The following ZNF268 variants were observed in gnomAD, a reference collection of about 807,000 sequenced individuals.
ZNF268 encodes zinc finger protein 268, also known as zinc finger protein 3.
In ZNF268, 20 loss-of-function variants were observed where a neutral mutation model predicts 29.3. The ratio of observed to expected loss-of-function variants is 0.68; its 90% CI spans 0.48 to 0.99. The LOEUF (loss-of-function observed/expected upper bound fraction) is 0.99. Ranked by LOEUF, ZNF268 falls within the 50% of genes least tolerant of loss-of-function variation. The pLI is 0.00. For synonymous variants in ZNF268, 429 were observed against 376.9 expected, an observed-to-expected ratio of 1.14 and a Z score of -1.60; for missense variants, 1,240 against 1,121.6, an observed-to-expected ratio of 1.11 and a Z score of -1.51.
At chr12:133,196,769 G>A (rs1009826506) in intron 5 of ZNF268, among the ~76,000 whole-genome samples, 1 of 152,136 alleles carries the variant, frequency 6.6e-6, no homozygotes, top group Non-Finnish European at 1.5e-5. Context: ...AAAACCGAAA[G>A]TGCTCATATT....
intron 2 of ZNF268, among the ~76,000 whole-genome samples, chr12:133,183,120 A>T (rs1417700099): frequency 6.6e-6 from 1 of 152,170 alleles, no homozygotes; most frequent in African/African-American, 2.4e-5. Context: ...ATGCCTGATG[A>T]TCTGAAGTGG....
chr12:133,203,055 T>A lies in ZNF268; in HGVS notation c.1369T>A (p.Ser457Thr). ...TTGTGGAAAAGCCTTTACATTCAAG[T>A]CACAGCTCATTGTACATCAGGGGAT... ...SDCGKAFTFKSQLIVHQGIHT... is the reference protein window; with the variant it reads ...SDCGKAFTFKTQLIVHQGIHT... The change falls in exon 6 of 6, where the codon TCA becomes ACA. Residue 457 changes from serine (S) to threonine (T), a missense_variant. Physicochemically the swap from Ser to Thr is moderately conservative, Grantham distance 58 (BLOSUM62 1). Around this residue, in one of 3 missense-constraint regions of ZNF268, gnomAD observed 1,177 missense variants for 1,039.6 expected, o/e 1.13. Transcript: ENST00000536435. 1.9e-6 allele frequency: 3 copies of A among 1,538,830 alleles called. No individual in the cohort carries two copies. The highest frequency in any genetic ancestry group is 1.4e-5 in the African/African-American group (1 of 73,162).
intron 2 of ZNF268, among the ~76,000 whole-genome samples, chr12:133,182,389 A>G (rs1593863530): frequency 7.6e-6 from 1 of 132,012 alleles, no homozygotes; most frequent in African/African-American, 3.0e-5. Flanking sequence ...CACTTGTTCA[A>G]CATTTTTTTT....
At chr12:133,185,142 G>A (rs1286072827) in intron 2 of ZNF268, among the ~76,000 whole-genome samples, 5 of 146,514 alleles carry the variant, frequency 3.4e-5, no homozygotes, top group South Asian at 4.3e-4. Context: ...CCAAGATCAC[G>A]CCACTGCACT....
rs1172441016 is a variant in ZNF268, at chr12:133,202,142, A to G, written c.458-2A>G. 6.4e-7 allele frequency: 1 copy of G among 1,570,620 alleles called. No individual in the cohort carries two copies. Among genetic ancestry groups the G allele is most frequent in the Admixed American group, 1.9e-5 (1 of 51,962 alleles). On this transcript the variant is annotated splice_acceptor_variant, in intron 5 of 5. Transcript: ENST00000536435. LOFTEE classifies it high-confidence loss of function. ...CATGTGACCAATTGTTCTCATTTCTAGACACAGTCTGGAAAATTGATGATC... is the reference window on the plus strand; with the variant it reads ...CATGTGACCAATTGTTCTCATTTCTGGACACAGTCTGGAAAATTGATGATC...
chr12:133,188,018 A>G lies in ZNF268; in HGVS notation c.180A>G (p.Lys60=), dbSNP rs558911402. The change falls in exon 3 of 6, where the codon AAA becomes AAG. Residue 60 remains lysine (K), a synonymous_variant. Coordinates refer to ENST00000536435, the MANE Select transcript of ZNF268 (RefSeq NM_003415.3). ...RQKQKSRRIE[K]VLEWLFISQE... is the part of the protein sequence containing the mutation. ...AGCAGAAGAGTCGCAGAATAGAGAA[A>G]GTCCTAGAGTGGCTGTTTATTTCCC... 3.8e-6 allele frequency: 6 copies of G among 1,596,298 alleles called. No individual in the cohort carries two copies. Among genetic ancestry groups the G allele is most frequent in the African/African-American group, 1.3e-5 (1 of 74,782 alleles).
At position 133,212,500 on chromosome 12, in the gene ZNF268, T is replaced by C. The variant is rs1467450619; in HGVS notation, c.*7970T>C. On this transcript the variant is annotated 3_prime_UTR_variant, in exon 6 of 6. Coordinates refer to ENST00000536435, the MANE Select transcript of ZNF268 (RefSeq NM_003415.3). ...ATATATATATATATATATATATATG[T>C]ATATATACACACACACATACACACA... 55 of 18,154 alleles carry C rather than the reference T, an allele frequency of 3.0e-3. 3 individuals carry two copies. The African/African-American group carries it at 0.032, about 10-fold the overall frequency. The allele number at this position is 18,154 out of a possible 1,614,324, so 1.1% of individuals were successfully genotyped here.
chr12:133,190,901 T>G lies in ZNF268; in HGVS notation c.235-588T>G, dbSNP rs114881572. Among the ~76,000 whole-genome samples the G allele has an allele frequency of 4.1e-3, 614 of 150,498 alleles. 8 individuals are homozygous for G. Among genetic ancestry groups the G allele is most frequent in the African/African-American group, 0.015 (592 of 40,596 alleles). Reference sequence around the variant, plus strand: ...ATGTTTATATTCCTGGACATAGAGGTTGGTAACTGTATTGCAGATGTAGGA... The same window carrying G: ...ATGTTTATATTCCTGGACATAGAGGGTGGTAACTGTATTGCAGATGTAGGA... On this transcript the variant is annotated intron_variant, in intron 3 of 5. Transcript: ENST00000536435.
chr12:133,197,749 A>G (rs1470522524), intron 5 of ZNF268, among the ~76,000 whole-genome samples: 3 of 152,120 alleles, frequency 2.0e-5, no homozygotes, highest in Non-Finnish European at 4.4e-5. Flanking sequence ...GTGAGATGGT[A>G]TCTCATTGTG....
Position 133,203,909 on chromosome 12 carries a change from G to T in ZNF268, c.2223G>T (p.Val741=). Residue 741 remains valine (V), a synonymous_variant, in exon 6 of 6, where the codon GTG becomes GTT. Coordinates refer to ENST00000536435, the MANE Select transcript of ZNF268 (RefSeq NM_003415.3). ...TTAGTTTCAATTCACAACTCATTGT[G>T]CATCAGAGAATTCACACAGGAGAAA... ...KSFSFNSQLI[V]HQRIHTGENP... 1 of 1,584,706 alleles carries T rather than the reference G, an allele frequency of 6.3e-7. No homozygotes were observed. Among genetic ancestry groups the T allele is most frequent in the South Asian group, 1.1e-5 (1 of 88,264 alleles).
In ZNF268 at chr12:133,210,933, G is replaced by T. The variant is rs1162644199; in HGVS notation, c.*6403G>T. On this transcript the variant is annotated 3_prime_UTR_variant, in exon 6 of 6. Transcript: ENST00000536435. ...TTGGATGGTCAGTGCTTCCTGTTTT[G>T]TGATGGCCATGTGCCCCCTCTTGCA... 2 of 456,020 alleles carry T rather than the reference G, an allele frequency of 4.4e-6. No individual in the cohort carries two copies. Among genetic ancestry groups the T allele is most frequent in the Admixed American group, 2.3e-5 (1 of 42,572 alleles). 28.2% of individuals were successfully genotyped at this position (456,020 alleles called of 1,614,324 possible).
rs1298630084 is a variant in ZNF268, at chr12:133,206,509, C to T, written c.*1979C>T. The T allele has an allele frequency of 6.6e-6, 1 of 152,176 alleles. No individual in the cohort carries two copies. The highest frequency in any genetic ancestry group is 1.5e-5 in the Non-Finnish European group (1 of 68,034). 9.4% of individuals were successfully genotyped at this position (152,176 alleles called of 1,614,324 possible). A position where few individuals can be genotyped will look rare whatever the true frequency, so the allele number is the denominator to read the frequency against. ...GTTGCTTACTCACAAAGTTAGTTTT[C>T]TTCACTACCTCATCAGGTTTGTTAT... On this transcript the variant is annotated 3_prime_UTR_variant, in exon 6 of 6. Transcript: ENST00000536435.
In ZNF268 at chr12:133,209,737, G is replaced by A. The variant is rs1956951895; in HGVS notation, c.*5207G>A. 1 of 152,176 alleles carries A rather than the reference G, an allele frequency of 6.6e-6. No homozygotes were observed. Among genetic ancestry groups the A allele is most frequent in the Admixed American group, 6.5e-5 (1 of 15,286 alleles). 9.4% of individuals were successfully genotyped at this position (152,176 alleles called of 1,614,324 possible). ...GCTACTCAGGAGAATTGCTTGAACT[G>A]GAGAGGCGGAGGTTGCAGTGAGCTG... is the stretch of plus-strand genomic sequence containing the variant. On this transcript the variant is annotated 3_prime_UTR_variant, in exon 6 of 6. Coordinates refer to ENST00000536435, the MANE Select transcript of ZNF268 (RefSeq NM_003415.3).
chr12:133,193,509 C>T (rs919518099), intron 5 of ZNF268: 14 of 696,746 alleles, frequency 2.0e-5, no homozygotes, highest in East Asian at 8.1e-5. Flanking sequence ...TCCAAGATGA[C>T]GCCTTGTTGC....
rs973467097 is a variant in ZNF268, at chr12:133,212,664, T to C, written c.*8134T>C. 6.6e-6 allele frequency: 1 copy of C among 151,994 alleles called. No individual in the cohort carries two copies. The highest frequency in any genetic ancestry group is 1.5e-5 in the Non-Finnish European group (1 of 68,008). 9.4% of individuals were successfully genotyped at this position (151,994 alleles called of 1,614,324 possible). A position where few individuals can be genotyped will look rare whatever the true frequency, so the allele number is the denominator to read the frequency against. On this transcript the variant is annotated 3_prime_UTR_variant, in exon 6 of 6. Coordinates refer to ENST00000536435, the MANE Select transcript of ZNF268 (RefSeq NM_003415.3). ...TTCCATTATTGTGCAACTATCATTT[T>C]ACATTCCACCAGCAGTGCACAAGGC...
chr12:133,185,034 A>G (rs1278022481), intron 2 of ZNF268, among the ~76,000 whole-genome samples: 1 of 151,660 alleles, frequency 6.6e-6, no homozygotes, highest in African/African-American at 2.4e-5. Context: ...AAATATGAAA[A>G]TTAGCTGGGC....
chr12:133,194,085 G>A (rs1956540410), intron 5 of ZNF268, among the ~76,000 whole-genome samples: 1 of 152,088 alleles, frequency 6.6e-6, no homozygotes, highest in Non-Finnish European at 1.5e-5. Context: ...CACTCAAAAC[G>A]AGGCCAGTAT....
Position 133,210,943 on chromosome 12 carries a change from T to C in ZNF268, c.*6413T>C, listed in dbSNP as rs781569304. 8 of 456,010 alleles carry C rather than the reference T, an allele frequency of 1.8e-5. No individual in the cohort carries two copies. The highest frequency in any genetic ancestry group is 1.2e-4 in the South Asian group (8 of 64,562). 28.2% of individuals were successfully genotyped at this position (456,010 alleles called of 1,614,324 possible). ...AGTGCTTCCTGTTTTGTGATGGCCA[T>C]GTGCCCCCTCTTGCAGTCCCAGTGA... On this transcript the variant is annotated 3_prime_UTR_variant, in exon 6 of 6. Coordinates refer to ENST00000536435, the MANE Select transcript of ZNF268 (RefSeq NM_003415.3).
At position 133,204,556 on chromosome 12, in the gene ZNF268, G is replaced by A; in HGVS notation, c.*26G>A. On this transcript the variant is annotated 3_prime_UTR_variant, in exon 6 of 6. Transcript: ENST00000536435. ...TAATTTTACGAAACTCTGAAAAGTG[G>A]ATTCACAAGAGATAGAAACAATCAT... 7.0e-7 allele frequency: 1 copy of A among 1,434,964 alleles called. No individual in the cohort carries two copies. The allele number at this position is 1,434,964 out of a possible 1,614,324, so 88.9% of individuals were successfully genotyped here. A position where few individuals can be genotyped will look rare whatever the true frequency, so the allele number is the denominator to read the frequency against.
Sources: allele counts gnomAD v4.1 joint callset (sites outside exome capture counted in the v4.1 genomes callset), GRCh38; gene constraint gnomAD v4.1.1; regional missense constraint gnomAD v4.1.1; transcripts MANE v1.5; gene names NCBI Gene and HGNC (gene_info 2026-07-23, HGNC 2026-07-21).